SLC2A9: variants seen among roughly 807,000 people sequenced by gnomAD.
The protein encoded by SLC2A9 is solute carrier family 2 member 9, also known as solute carrier family 2, facilitated glucose transporter member 9.
Under a neutral mutation model 50.6 loss-of-function variants are expected in SLC2A9, and 39 were observed. That is an observed-to-expected ratio of 0.77 (90% CI 0.60 to 1.01). The LOEUF (loss-of-function observed/expected upper bound fraction) is 1.01. Among genes scored for constraint, SLC2A9 ranks in the 50% least tolerant of loss-of-function variants. The probability of loss-of-function intolerance (pLI) is 0.00; values close to 1 mark genes in which losing one functional copy is unlikely to be tolerated. For missense variants in SLC2A9, 686 were observed against 677.6 expected (o/e 1.01, Z -0.14); for synonymous variants, 324 against 276.9 (o/e 1.17, Z -1.69).
Position 9,904,242 on chromosome 4 carries a change from T to A in SLC2A9, c.1113+3993A>T, listed in dbSNP as rs1168770468. 5.9e-5 allele frequency among the ~76,000 whole-genome samples: 9 copies of A among 152,298 alleles called. No homozygotes were observed. In the East Asian group the frequency reaches 1.2e-3, roughly 20 times the overall value. On this transcript the variant is annotated intron_variant, in intron 8 of 11. Transcript: ENST00000264784. ...TTGGAAATCAGAAGTCTAGAATAGA[T>A]CTTGCAGTGCAAACACGATGGTGTC...
chr4:9,890,641 A>C lies in SLC2A9; in HGVS notation c.1184T>G (p.Phe395Cys). The change falls in exon 9 of 12, where the codon TTT (phenylalanine) becomes TGT (cysteine). Residue 395 changes from phenylalanine (F) to cysteine (C), a missense_variant. By Grantham distance (205) the Phe-to-Cys change is radical (BLOSUM62 -2). Transcript: ENST00000264784. ...GGTCAGCGTGATGGTGAGGGTCCCAAAGAAGAGGCCCATGAGCCCAAAGCC... is the reference window on the plus strand; with the variant it reads ...GGTCAGCGTGATGGTGAGGGTCCCACAGAAGAGGCCCATGAGCCCAAAGCC... ...IGGFGLMGLFFGTLTITLTLQ... is the reference protein window; with the variant it reads ...IGGFGLMGLFCGTLTITLTLQ... 1 of 1,614,122 alleles carries C rather than the reference A, an allele frequency of 6.2e-7. No individual in the cohort carries two copies. The highest frequency in any genetic ancestry group is 8.5e-7 in the Non-Finnish European group (1 of 1,180,010).
downstream of SLC2A9, among the ~76,000 whole-genome samples, chr4:9,823,675 T>C (rs1177359884): frequency 2.0e-5 from 3 of 152,204 alleles, no homozygotes; most frequent in Admixed American, 2.0e-4. Context: ...CCCCCTAGAT[T>C]TGTGGTACAA....
In SLC2A9 at chr4:9,858,549, T is replaced by A. The variant is rs367969932; in HGVS notation, c.1292-23541A>T. On this transcript the variant is annotated intron_variant, in intron 10 of 11. Transcript: ENST00000264784. Reference sequence around the variant, plus strand: ...ACACTATGCTGTTTACTTTCCAAAATCAGACATTTTGAGAGTGTAAGGGGG... The same window carrying A: ...ACACTATGCTGTTTACTTTCCAAAAACAGACATTTTGAGAGTGTAAGGGGG... 4.9e-4 allele frequency among the ~76,000 whole-genome samples: 75 copies of A among 152,268 alleles called. No individual in the cohort carries two copies. In the South Asian group the frequency reaches 0.013, roughly 27 times the overall value.
At chr4:9,869,603 C>T (rs1560214550) in intron 10 of SLC2A9, among the ~76,000 whole-genome samples, 1 of 152,208 alleles carries the variant, frequency 6.6e-6, no homozygotes, top group African/African-American at 2.4e-5. Context: ...GATGGGATGG[C>T]TTGGCAATAT....
intron 3 of SLC2A9, among the ~76,000 whole-genome samples, chr4:9,819,868 AAGTTGTGGTGAGCCG>A (rs1370646526): frequency 1.3e-5 from 2 of 152,152 alleles, no homozygotes; most frequent in Non-Finnish European, 2.9e-5. Context: ...CGGGAGGCAG[AAGTTGTGGTGAGCCG>A]AGATCACACC....
At chr4:9,849,338 G>A (rs1242266700) in intron 10 of SLC2A9, among the ~76,000 whole-genome samples, 1 of 152,184 alleles carries the variant, frequency 6.6e-6, no homozygotes, top group Admixed American at 6.5e-5. Flanking sequence ...AGAAACAAAA[G>A]GGAAGTTGTT....
intron 4 of SLC2A9, among the ~76,000 whole-genome samples, chr4:9,982,385 T>G (rs1756031244): frequency 6.6e-6 from 1 of 152,162 alleles, no homozygotes; most frequent in Non-Finnish European, 1.5e-5. Context: ...AAGACCGAAG[T>G]TTTTTCTTTC....
At chr4:9,833,150 G>T (rs960318110) in intron 11 of SLC2A9, among the ~76,000 whole-genome samples, 1 of 152,174 alleles carries the variant, frequency 6.6e-6, no homozygotes, top group Non-Finnish European at 1.5e-5. Context: ...AAGGTTTAAA[G>T]TCAATTGAAA....
At chr4:9,869,539 T>G (rs543015150) in intron 10 of SLC2A9, among the ~76,000 whole-genome samples, 8 of 152,332 alleles carry the variant, frequency 5.3e-5, no homozygotes, top group African/African-American at 1.9e-4. Context: ...CTCACCTTGC[T>G]AGACCACGGC....
intron 3 of SLC2A9, among the ~76,000 whole-genome samples, chr4:9,812,001 T>C (rs748150301): frequency 2.6e-5 from 4 of 152,230 alleles, no homozygotes; most frequent in Non-Finnish European, 5.9e-5. Flanking sequence ...CAAGACTTCC[T>C]AGTTAAGCAA....
At chr4:9,887,699 G>T in intron 9 of SLC2A9, 57 bp from the exon 10 acceptor site, 1 of 1,359,192 alleles carries the variant, frequency 7.4e-7, no homozygotes, top group Non-Finnish European at 9.7e-7. Context: ...CGGAGGACCT[G>T]AGTTCCCACC....
At chr4:9,851,641 G>A (rs1434958888) in intron 10 of SLC2A9, among the ~76,000 whole-genome samples, 1 of 152,100 alleles carries the variant, frequency 6.6e-6, no homozygotes, top group African/African-American at 2.4e-5. Flanking sequence ...CTGAGATTTG[G>A]GAGAGTCAAA....
chr4:9,979,195 G>T (rs944286899), intron 5 of SLC2A9, among the ~76,000 whole-genome samples: 13 of 152,282 alleles, frequency 8.5e-5, no homozygotes, highest in Middle Eastern at 3.4e-3. Flanking sequence ...CCTTGTTTGT[G>T]AGAGCTCTGT....
chr4:9,877,810 C>T (rs748767036), intron 10 of SLC2A9, among the ~76,000 whole-genome samples: 24 of 152,192 alleles, frequency 1.6e-4, no homozygotes, highest in Non-Finnish European at 2.9e-4. Flanking sequence ...TCTTCCTGTC[C>T]CAGGCTCTTC....
Position 9,804,142 on chromosome 4 carries a change from A to C in SLC2A9, n.421-4901T>G, listed in dbSNP as rs1384328809. 3.9e-5 allele frequency among the ~76,000 whole-genome samples: 6 copies of C among 152,254 alleles called. No individual in the cohort carries two copies. The East Asian group carries it at 1.2e-3, about 29-fold the overall frequency. ...GATGATAAAAATACAATTTTAAATC[A>C]CTAGAAACTCTGTGTATGAGGAGAA... is the stretch of plus-strand genomic sequence containing the variant. On this transcript the variant is annotated intron_variant and non_coding_transcript_variant, in intron 3 of 3. Transcript: ENST00000503280.
At chr4:9,938,438 A>AT (rs1208412536) in intron 6 of SLC2A9, among the ~76,000 whole-genome samples, 1 of 151,566 alleles carries the variant, frequency 6.6e-6, no homozygotes. Flanking sequence ...CGCCCGGCTA[A>AT]TTTTTTTTAT....
chr4:9,827,991 A>G (rs1202008089), intron 11 of SLC2A9, among the ~76,000 whole-genome samples: 1 of 152,214 alleles, frequency 6.6e-6, no homozygotes, highest in Non-Finnish European at 1.5e-5. Flanking sequence ...AATGAGATAT[A>G]TCAATTTTGC....
At chr4:9,893,155 G>A (rs1275572880) in intron 8 of SLC2A9, among the ~76,000 whole-genome samples, 1 of 152,086 alleles carries the variant, frequency 6.6e-6, no homozygotes, top group Non-Finnish European at 1.5e-5. Context: ...CTTGGTAACA[G>A]CCCAGTGTCT....
chr4:9,961,959 G>T (rs1752338480), intron 5 of SLC2A9, among the ~76,000 whole-genome samples: 1 of 152,130 alleles, frequency 6.6e-6, no homozygotes, highest in African/African-American at 2.4e-5. Context: ...AGAAACATAT[G>T]AAAAAAAGCT....
Sources: allele counts gnomAD v4.1 joint callset (sites outside exome capture counted in the v4.1 genomes callset), GRCh38; gene constraint gnomAD v4.1.1; transcripts MANE v1.5; gene names NCBI Gene and HGNC (gene_info 2026-07-23, HGNC 2026-07-21).